FLOT2: variants seen among roughly 807,000 people sequenced by gnomAD.
The protein encoded by FLOT2 is flotillin 2.
Under a neutral mutation model 54.9 loss-of-function variants are expected in FLOT2, and 35 were observed. The observed-to-expected ratio is 0.64, with a 90% CI of 0.49 to 0.84. The LOEUF is 0.84. Among genes scored for constraint, FLOT2 ranks in the 40% least tolerant of loss-of-function variants. FLOT2 has a pLI of 0.00. For synonymous variants in FLOT2, 207 were observed against 228.9 expected (o/e 0.90, Z 0.86); for missense variants, 464 against 572.1 (o/e 0.81, Z 1.93).
chr17:28,893,232 C>G (rs2039682740), intron 1 of FLOT2: 1 of 152,248 alleles, frequency 6.6e-6, no homozygotes, highest in Non-Finnish European at 1.5e-5. Flanking sequence ...TTTCTCCTAA[C>G]TGTACCTCAC....
chr17:28,881,714 G>T, intron 8 of FLOT2, 100 bp downstream of exon 8: 3 of 1,036,926 alleles, frequency 2.9e-6, no homozygotes, highest in African/African-American at 1.6e-5. Context: ...AGTGGAGGGG[G>T]AGAAGTGGCT....
intron 2 of FLOT2, chr17:28,885,911 A>G (rs1336529400): frequency 6.5e-7 from 1 of 1,549,674 alleles, no homozygotes; most frequent in East Asian, 2.4e-5. Context: ...CAATATTCTC[A>G]CAGCGACACA....
Position 28,880,396 on chromosome 17 carries a change from C to G in FLOT2, c.*165G>C. ...AGAGGAAGAGGAGGAGGTGGACAGA[C>G]AGGAGAGACAGGAAGACAGCCAGAG... On this transcript the variant is annotated 3_prime_UTR_variant, in exon 11 of 11. Transcript: ENST00000394908. 2 of 1,479,418 alleles carry G rather than the reference C, an allele frequency of 1.4e-6. No homozygotes were observed. Among genetic ancestry groups the G allele is most frequent in the East Asian group, 2.4e-5 (1 of 42,198 alleles). 91.6% of individuals were successfully genotyped at this position (1,479,418 alleles called of 1,614,324 possible).
chr17:28,881,310 G>A lies in FLOT2; in HGVS notation c.980C>T (p.Ala327Val), dbSNP rs746589792. 16 of 1,613,758 alleles carry A rather than the reference G, an allele frequency of 9.9e-6. No individual in the cohort carries two copies. Among genetic ancestry groups the A allele is most frequent in the East Asian group, 2.2e-5 (1 of 44,896 alleles). Reference protein sequence around the residue: ...EKIRKIGEAEAAVIEAMGKAE... With the variant: ...EKIRKIGEAEVAVIEAMGKAE... ...CTTGCCCATCGCCTCGATGACTGCC[G>A]CTTCCGCCTCCCCGATTTTGCGGAT... The change falls in exon 9 of 11, where the codon GCG (alanine) becomes GTG (valine). Residue 327 changes from alanine (A) to valine (V), a missense_variant. Coordinates refer to ENST00000394908, the MANE Select transcript of FLOT2 (RefSeq NM_004475.3).
Position 28,897,244 on chromosome 17 carries a change from C to T in FLOT2, c.49+282G>A, listed in dbSNP as rs1261732598. ...CTTCAGTTCGGGACCCCCAACCTCA[C>T]AGTAGAGCGGCGGGGAGGCCCGCCT... On this transcript the variant is annotated intron_variant, in intron 1 of 10. Coordinates refer to ENST00000394908, the MANE Select transcript of FLOT2 (RefSeq NM_004475.3). The surrounding 1 kb of genome is among the most constrained non-coding windows in gnomAD (Gnocchi z 4.4). Among the ~76,000 whole-genome samples, 3 of 152,248 alleles carry T rather than the reference C, an allele frequency of 2.0e-5. No individual in the cohort carries two copies. The highest frequency in any genetic ancestry group is 6.5e-5 in the Admixed American group (1 of 15,290).
intron 1 of FLOT2, among the ~76,000 whole-genome samples, chr17:28,895,665 A>G (rs1267112316): frequency 6.6e-6 from 1 of 152,132 alleles, no homozygotes; most frequent in African/African-American, 2.4e-5. Context: ...GAAAACACTA[A>G]ATTTCAGTTA....
chr17:28,882,348 C>T lies in FLOT2; in HGVS notation c.568G>A (p.Ala190Thr), dbSNP rs373662636. Residue 190 changes from alanine (A) to threonine (T), a missense_variant, in exon 6 of 11, where the codon GCA becomes ACA. Physicochemically the swap from Ala to Thr is moderately conservative, Grantham distance 58. Coordinates refer to ENST00000394908, the MANE Select transcript of FLOT2 (RefSeq NM_004475.3). This position sits in a 1 kb window ranked among gnomAD's most constrained non-coding sequence, Gnocchi z 5.6. The stretch of plus-strand genomic sequence containing the variant: ...TTGAACCCACATACCCGGATGCCTG[C>T]GTCCCGTTCAGCCTCGGCCACGCCA... ...DIGVAEAERD[A>T]GIREAECKKE... is the part of the protein sequence containing the mutation. 2.2e-5 allele frequency: 35 copies of T among 1,613,846 alleles called. No homozygotes were observed. The highest frequency in any genetic ancestry group is 2.5e-5 in the Non-Finnish European group (30 of 1,180,020).
chr17:28,891,676 T>G (rs1210066272), intron 1 of FLOT2, among the ~76,000 whole-genome samples: 1 of 152,214 alleles, frequency 6.6e-6, no homozygotes, highest in African/African-American at 2.4e-5. Flanking sequence ...GGAACTGAAT[T>G]TTTTAATTAA....
intron 1 of FLOT2, among the ~76,000 whole-genome samples, chr17:28,891,085 T>C (rs2039643174): frequency 6.6e-6 from 1 of 152,104 alleles, no homozygotes; most frequent in Non-Finnish European, 1.5e-5. Flanking sequence ...TTCACCATGT[T>C]GCCCAGGCTG....
chr17:28,880,147 C>G lies in FLOT2; in HGVS notation c.*414G>C. 1.9e-6 allele frequency: 2 copies of G among 1,049,696 alleles called. No homozygotes were observed. Among genetic ancestry groups the G allele is most frequent in the Non-Finnish European group, 2.3e-6 (2 of 868,476 alleles). The allele number at this position is 1,049,696 out of a possible 1,614,324, so 65.0% of individuals were successfully genotyped here. On this transcript the variant is annotated 3_prime_UTR_variant, in exon 11 of 11. Coordinates refer to ENST00000394908, the MANE Select transcript of FLOT2 (RefSeq NM_004475.3). ...CCAGAACCCCTGCCCATGCTGAGCT[C>G]TGGCCAGGGCCATAGGGAGGATGGA...
chr17:28,882,889 C>G lies in FLOT2; in HGVS notation c.347-198G>C. 3 of 634,672 alleles carry G rather than the reference C, an allele frequency of 4.7e-6. No individual in the cohort carries two copies. The South Asian group carries it at 5.7e-5, about 12-fold the overall frequency. 39.3% of individuals were successfully genotyped at this position (634,672 alleles called of 1,614,324 possible). A position where few individuals can be genotyped will look rare whatever the true frequency, so the allele number is the denominator to read the frequency against. ...GCTGAATGAGGAAAAGTGTCCCAAG[C>G]AGCACTAGGTTCCTGAGCAGACCGA... On this transcript the variant is annotated intron_variant, in intron 4 of 10. Transcript: ENST00000394908. This position sits in a 1 kb window ranked among gnomAD's most constrained non-coding sequence, Gnocchi z 5.6.
Position 28,889,009 on chromosome 17 carries a change from C to T in FLOT2, c.67G>A (p.Asp23Asn), listed in dbSNP as rs755271021. 14 of 1,613,966 alleles carry T rather than the reference C, an allele frequency of 8.7e-6. No homozygotes were observed. The highest frequency in any genetic ancestry group is 3.3e-5 in the Admixed American group (2 of 59,996). Residue 23 changes from aspartate to asparagine, a missense_variant, in exon 2 of 11, where the codon GAC becomes AAC. Physicochemically the swap from Asp to Asn is conservative, Grantham distance 23 (BLOSUM62 1). Transcript: ENST00000394908. ...CCGCCAAACACGTACTGTTTATAGT[C>T]GGAACCACAACAGCCCCCTGGGGAG... ...LVVSGGCCGSDYKQYVFGGWA... is the reference protein window; with the variant it reads ...LVVSGGCCGSNYKQYVFGGWA...
chr17:28,893,223 T>C (rs916934635), intron 1 of FLOT2: 24 of 152,268 alleles, frequency 1.6e-4, no homozygotes, highest in African/African-American at 5.8e-4. Flanking sequence ...ACCTGGAAGT[T>C]TCTCCTAACT....
At chr17:28,890,923 C>T (rs914390724) in intron 1 of FLOT2, among the ~76,000 whole-genome samples, 2 of 147,152 alleles carry the variant, frequency 1.4e-5, no homozygotes, top group Non-Finnish European at 3.0e-5. Context: ...GTACACTGTA[C>T]ACGAGTACAG....
chr17:28,889,067 G>T, intron 1 of FLOT2, 41 bp from the exon 2 acceptor site: 1 of 1,568,514 alleles, frequency 6.4e-7, no homozygotes, highest in Non-Finnish European at 8.8e-7. Flanking sequence ...GTCGGTTCTT[G>T]GGTCTGTCTA....
chr17:28,897,001 C>T lies in FLOT2; in HGVS notation c.49+525G>A, dbSNP rs2039752296. 1.3e-5 allele frequency among the ~76,000 whole-genome samples: 2 copies of T among 152,242 alleles called. No homozygotes were observed. The highest frequency in any genetic ancestry group is 6.5e-5 in the Admixed American group (1 of 15,288). Reference sequence around the variant, plus strand: ...ACCTGTAGAGGCCGCATCCGCGTCTCCTGGGCGGGCAGTGCCGGTAATCCC... The same window carrying T: ...ACCTGTAGAGGCCGCATCCGCGTCTTCTGGGCGGGCAGTGCCGGTAATCCC... On this transcript the variant is annotated intron_variant, in intron 1 of 10. Transcript: ENST00000394908. This position sits in a 1 kb window ranked among gnomAD's most constrained non-coding sequence, Gnocchi z 4.4.
Position 28,882,880 on chromosome 17 carries a change from T to G in FLOT2, c.347-189A>C, listed in dbSNP as rs2039480068. On this transcript the variant is annotated intron_variant, in intron 4 of 10. Transcript: ENST00000394908. The surrounding 1 kb of genome is among the most constrained non-coding windows in gnomAD (Gnocchi z 5.6). ...ACAGTCCAGGCTGAATGAGGAAAAG[T>G]GTCCCAAGCAGCACTAGGTTCCTGA... 2 of 634,208 alleles carry G rather than the reference T, an allele frequency of 3.2e-6. No individual in the cohort carries two copies. Among genetic ancestry groups the G allele is most frequent in the East Asian group, 5.4e-5 (2 of 36,770 alleles). The allele number at this position is 634,208 out of a possible 1,614,324, so 39.3% of individuals were successfully genotyped here.
chr17:28,891,407 G>A (rs2039649409), intron 1 of FLOT2, among the ~76,000 whole-genome samples: 1 of 152,184 alleles, frequency 6.6e-6, no homozygotes, highest in Non-Finnish European at 1.5e-5. Context: ...GTGACAGGGA[G>A]CAAGGTTACC....
chr17:28,895,318 A>C (rs1256444109), intron 1 of FLOT2, among the ~76,000 whole-genome samples: 1 of 152,246 alleles, frequency 6.6e-6, no homozygotes, highest in African/African-American at 2.4e-5. Flanking sequence ...TAATACATTA[A>C]ATAGTAAGAT....
Sources: allele counts gnomAD v4.1 joint callset (sites outside exome capture counted in the v4.1 genomes callset), GRCh38; gene constraint gnomAD v4.1.1; non-coding constraint Gnocchi (gnomAD v3.1); transcripts MANE v1.5; gene names NCBI Gene and HGNC (gene_info 2026-07-23, HGNC 2026-07-21).